RIMBP2: variants seen among roughly 807,000 people sequenced by gnomAD.
RIMBP2 encodes the protein RIMS-binding protein 2.
In RIMBP2, 48 loss-of-function variants were observed where a neutral mutation model predicts 118.6. The observed-to-expected ratio is 0.40, with a 90% confidence interval of 0.32 to 0.51. The LOEUF is 0.51. Ranked by LOEUF, RIMBP2 falls within the 20% of genes least tolerant of loss-of-function variation. The pLI, the probability that RIMBP2 is intolerant of heterozygous loss-of-function variation, is 0.41. For missense variants in RIMBP2, 1,551 were observed against 1,768.3 expected, an observed-to-expected ratio of 0.88 and a Z score of 2.20; for synonymous variants, 762 against 742.9, an observed-to-expected ratio of 1.03 and a Z score of -0.42.
intron 21 of RIMBP2, among the ~76,000 whole-genome samples, chr12:130,405,290 G>C (rs1391915529): frequency 1.3e-5 from 2 of 152,198 alleles, no homozygotes; most frequent in Admixed American, 6.5e-5. Context: ...CTCACCAAAG[G>C]CAAATCAGAA....
intron 1 of RIMBP2, among the ~76,000 whole-genome samples, chr12:130,693,251 A>G (rs555310435): frequency 6.6e-6 from 1 of 152,312 alleles, no homozygotes; most frequent in African/African-American, 2.4e-5. Context: ...TGATTGAAAG[A>G]AAGAATGAAT....
rs532688407 is a variant in RIMBP2, at chr12:130,519,278, T to G, written c.-216-1361A>C. On this transcript the variant is annotated intron_variant, in intron 2 of 22. Coordinates refer to ENST00000690449, the MANE Select transcript of RIMBP2 (RefSeq NM_001393629.1). Reference sequence around the variant, plus strand: ...GGAGAGAGGCTCCTCCTGGCCATTTTCAGCTTCCATTTTTCAGTCAACCTT... The same window carrying G: ...GGAGAGAGGCTCCTCCTGGCCATTTGCAGCTTCCATTTTTCAGTCAACCTT... 1.6e-3 allele frequency among the ~76,000 whole-genome samples: 248 copies of G among 152,338 alleles called. 2 individuals are homozygous for G. The highest frequency in any genetic ancestry group is 5.7e-3 in the African/African-American group (235 of 41,580).
At chr12:130,513,615 C>CA in intron 3 of RIMBP2, among the ~76,000 whole-genome samples, 1 of 152,184 alleles carries the variant, frequency 6.6e-6, no homozygotes, top group Non-Finnish European at 1.5e-5. Flanking sequence ...TCAAAGGCAT[C>CA]AAGCATATTC....
chr12:130,634,316 T>A (rs2062203866), intron 1 of RIMBP2, among the ~76,000 whole-genome samples: 1 of 152,154 alleles, frequency 6.6e-6, no homozygotes. Flanking sequence ...TGGGAAGGAA[T>A]CTGAAGCAAG....
At position 130,431,798 on chromosome 12, in the gene RIMBP2, G is replaced by A. The variant is rs1412223681; in HGVS notation, c.2253+2936C>T. 2 of 154,082 alleles carry A rather than the reference G, an allele frequency of 1.3e-5. No individual in the cohort carries two copies. The highest frequency in any genetic ancestry group is 2.9e-5 in the Non-Finnish European group (2 of 69,612). The allele number at this position is 154,082 out of a possible 1,614,324, so 9.5% of individuals were successfully genotyped here. ...GGGAGGCCCTCGGAAGTGCAGAGCT[G>A]TGTTTCTGCCGCTGTGTTTCTACTC... On this transcript the variant is annotated intron_variant, in intron 14 of 22. Coordinates refer to ENST00000690449, the MANE Select transcript of RIMBP2 (RefSeq NM_001393629.1). The surrounding 1 kb of genome is among the most constrained non-coding windows in gnomAD (Gnocchi z 4.0).
At chr12:130,441,447 A>AATAATG (rs572339336) in intron 11 of RIMBP2, among the ~76,000 whole-genome samples, 1 of 141,048 alleles carries the variant, frequency 7.1e-6, no homozygotes, top group Admixed American at 7.1e-5. Context: ...TAATAATAAT[A>AATAATG]ATTTACAAGG....
chr12:130,444,338 C>T (rs1308788179), intron 10 of RIMBP2, among the ~76,000 whole-genome samples: 9 of 152,050 alleles, frequency 5.9e-5, no homozygotes, highest in South Asian at 2.1e-4. Context: ...AGAAGTGACC[C>T]GACCTCACCC....
At position 130,613,569 on chromosome 12, in the gene RIMBP2, G is replaced by T. The variant is rs111864513; in HGVS notation, c.-217+14753C>A. Among the ~76,000 whole-genome samples, 1,401 of 152,260 alleles carry T rather than the reference G, an allele frequency of 9.2e-3. 18 individuals are homozygous for T. The highest frequency in any genetic ancestry group is 0.028 in the African/African-American group (1,176 of 41,546). The stretch of plus-strand genomic sequence containing the variant: ...CAGTGGCTCACGCCTGTTATCCAGC[G>T]GTTTGGGAGGCCGAGGCAGGTGGAT... On this transcript the variant is annotated intron_variant, in intron 2 of 22. Transcript: ENST00000690449.
chr12:130,457,379 G>C (rs75866029), intron 6 of RIMBP2, among the ~76,000 whole-genome samples: 4,659 of 152,256 alleles, frequency 0.031, 239 homozygotes, highest in African/African-American at 0.11. Flanking sequence ...GAAAGGGGTA[G>C]CCCAGCAAAC....
rs539463557 is a variant in RIMBP2 at position 130,688,866 on chromosome 12, G to C, written c.-352+27356C>G. ...AACTCTGCAAAACGCTGGCTGAAAC[G>C]TGGGCCTCACGTTGCCTGAGGCAGC... On this transcript the variant is annotated intron_variant, in intron 1 of 22. Transcript: ENST00000690449. The surrounding 1 kb of genome is among the most constrained non-coding windows in gnomAD (Gnocchi z 4.7). Among the ~76,000 whole-genome samples the C allele has an allele frequency of 6.6e-6, 1 of 152,248 alleles. No individual in the cohort carries two copies.
intron 2 of RIMBP2, among the ~76,000 whole-genome samples, chr12:130,563,717 A>C (rs1187534807): frequency 2.0e-5 from 3 of 152,190 alleles, no homozygotes; most frequent in African/African-American, 7.2e-5. Flanking sequence ...GTCATCCCAA[A>C]TGTACATTGA....
At chr12:130,476,349 C>T (rs1328079136) in intron 5 of RIMBP2, among the ~76,000 whole-genome samples, 1 of 152,216 alleles carries the variant, frequency 6.6e-6, no homozygotes, top group Non-Finnish European at 1.5e-5. Flanking sequence ...ACAGCCCTCT[C>T]ATCAGAATCA....
chr12:130,669,009 G>T (rs190181205), intron 1 of RIMBP2: 1 of 152,298 alleles, frequency 6.6e-6, no homozygotes, highest in Non-Finnish European at 1.5e-5. Flanking sequence ...TATATAACAC[G>T]TGGAGGTGTG....
At chr12:130,713,712 C>A (rs1012130908) in intron 1 of RIMBP2, among the ~76,000 whole-genome samples, 13 of 152,220 alleles carry the variant, frequency 8.5e-5, no homozygotes, top group African/African-American at 3.1e-4. Flanking sequence ...CCACCTGGAA[C>A]AGATGCTCAT....
intron 21 of RIMBP2, 49 bp from the exon 22 acceptor site, chr12:130,399,862 C>T (rs201919037): frequency 1.2e-6 from 2 of 1,602,812 alleles, no homozygotes; most frequent in Non-Finnish European, 8.5e-7. Flanking sequence ...TTCTAGAAAC[C>T]CACATCTTGC....
chr12:130,611,690 C>A (rs1039908663), intron 2 of RIMBP2, among the ~76,000 whole-genome samples: 1 of 152,168 alleles, frequency 6.6e-6, no homozygotes, highest in South Asian at 2.1e-4. Context: ...GCTCGTGTCC[C>A]GCCCCGGCAC....
intron 2 of RIMBP2, among the ~76,000 whole-genome samples, chr12:130,583,613 C>T (rs1443668662): frequency 6.6e-6 from 1 of 151,034 alleles, no homozygotes; most frequent in Non-Finnish European, 1.5e-5. Context: ...TCATCACTAA[C>T]ATTACATCAT....
chr12:130,533,522 C>A (rs1360055150), intron 2 of RIMBP2, among the ~76,000 whole-genome samples: 1 of 152,126 alleles, frequency 6.6e-6, no homozygotes, highest in Non-Finnish European at 1.5e-5. Context: ...AAAAATAGAA[C>A]AATTAATACC....
At chr12:130,568,801 T>C (rs1484106597) in intron 2 of RIMBP2, among the ~76,000 whole-genome samples, 2 of 152,182 alleles carry the variant, frequency 1.3e-5, no homozygotes, top group Non-Finnish European at 2.9e-5. Flanking sequence ...AGCCAGCTCC[T>C]GTGAGGTGGG....
Sources: allele counts gnomAD v4.1 joint callset (sites outside exome capture counted in the v4.1 genomes callset), GRCh38; gene constraint gnomAD v4.1.1; non-coding constraint Gnocchi (gnomAD v3.1); transcripts MANE v1.5; gene names NCBI Gene and HGNC (gene_info 2026-07-23, HGNC 2026-07-21).